The following NLGN1 variants were observed in gnomAD, a reference collection of about 807,000 sequenced individuals.
NLGN1 encodes the protein neuroligin-1.
A neutral mutation model predicts 65.5 loss-of-function variants in NLGN1; 12 were observed. The observed-to-expected ratio is 0.18, with a 90% CI of 0.12 to 0.30. NLGN1 has a LOEUF of 0.30. NLGN1 is among the 10% of genes least tolerant of loss of function. The probability of loss-of-function intolerance (pLI) is 1.00; values close to 1 mark genes in which losing one functional copy is unlikely to be tolerated. For synonymous variants in NLGN1, 350 were observed against 359.5 expected, an observed-to-expected ratio of 0.97 and a Z score of 0.30; for missense variants, 750 against 1,007.1, an observed-to-expected ratio of 0.74 and a Z score of 3.46.
At chr3:173,996,122 C>T (rs1722231718) in intron 4 of NLGN1, among the ~76,000 whole-genome samples, 1 of 152,114 alleles carries the variant, frequency 6.6e-6, no homozygotes. Context: ...TTCAAAATTA[C>T]AAGTAAGCTT....
At chr3:173,632,377 G>T (rs186178108) in intron 3 of NLGN1, among the ~76,000 whole-genome samples, 147 of 152,246 alleles carry the variant, frequency 9.7e-4, no homozygotes, top group Non-Finnish European at 1.7e-3. Context: ...AAATTTCTAG[G>T]AATCAAGTGA....
chr3:173,490,888 C>T (rs963553573), intron 2 of NLGN1, among the ~76,000 whole-genome samples: 6 of 151,744 alleles, frequency 4.0e-5, no homozygotes, highest in African/African-American at 1.2e-4. Context: ...TGATTTGGCT[C>T]TCTGTTTGTC....
chr3:173,948,081 A>G (rs555163866), intron 4 of NLGN1, among the ~76,000 whole-genome samples: 4 of 152,234 alleles, frequency 2.6e-5, no homozygotes, highest in Non-Finnish European at 5.9e-5. Flanking sequence ...GTTCTGTGAT[A>G]CAATGTGGGA....
chr3:173,970,998 A>G (rs910208778), intron 4 of NLGN1, among the ~76,000 whole-genome samples: 4 of 152,140 alleles, frequency 2.6e-5, no homozygotes, highest in African/African-American at 9.6e-5. Flanking sequence ...AATCCATACT[A>G]GTTTGTGAGC....
intron 4 of NLGN1, among the ~76,000 whole-genome samples, chr3:173,964,658 G>C (rs1714387669): frequency 6.6e-6 from 1 of 152,136 alleles, no homozygotes; most frequent in Non-Finnish European, 1.5e-5. Context: ...AAATCTGTAT[G>C]AATCAAATGT....
intron 4 of NLGN1, among the ~76,000 whole-genome samples, chr3:174,261,931 A>G (rs1165876684): frequency 1.4e-5 from 2 of 146,332 alleles, no homozygotes; most frequent in Non-Finnish European, 1.5e-5. Context: ...TTCTGCATCT[A>G]TTGAGATAAT....
intron 3 of NLGN1, among the ~76,000 whole-genome samples, chr3:173,681,397 C>T (rs1329816247): frequency 6.6e-6 from 1 of 152,192 alleles, no homozygotes; most frequent in African/African-American, 2.4e-5. Flanking sequence ...TGCTTCCTTG[C>T]TGTCACTCTA....
At chr3:173,474,641 G>A (rs572398749) in intron 2 of NLGN1, among the ~76,000 whole-genome samples, 15 of 152,228 alleles carry the variant, frequency 9.9e-5, no homozygotes, top group African/African-American at 3.4e-4. Flanking sequence ...AAATATGCAT[G>A]TTATTATTAA....
At chr3:174,234,581 G>A (rs1422310617) in intron 4 of NLGN1, among the ~76,000 whole-genome samples, 3 of 152,136 alleles carry the variant, frequency 2.0e-5, no homozygotes, top group Non-Finnish European at 4.4e-5. Flanking sequence ...AAGCTGATGA[G>A]CACTAGTTTT....
chr3:173,782,767 C>T (rs1174486815), intron 3 of NLGN1, among the ~76,000 whole-genome samples: 1 of 150,936 alleles, frequency 6.6e-6, no homozygotes, highest in Non-Finnish European at 1.5e-5. Context: ...CAAACTATGT[C>T]CTCATGTCTT....
At chr3:173,852,673 A>G (rs967206628) in intron 4 of NLGN1, among the ~76,000 whole-genome samples, 57 of 152,322 alleles carry the variant, frequency 3.7e-4, no homozygotes, top group Admixed American at 1.3e-3. Flanking sequence ...TTGTTCACCA[A>G]TTATAAAGCT....
At chr3:173,546,008 A>G (rs1030081457) in intron 2 of NLGN1, among the ~76,000 whole-genome samples, 7 of 152,128 alleles carry the variant, frequency 4.6e-5, no homozygotes, top group Admixed American at 2.6e-4. Context: ...ATGGGTTGAT[A>G]GGTGCAGCAA....
chr3:173,529,629 C>T (rs549736736), intron 2 of NLGN1, among the ~76,000 whole-genome samples: 1 of 152,156 alleles, frequency 6.6e-6, no homozygotes, highest in Non-Finnish European at 1.5e-5. Context: ...ATTTGTCCAT[C>T]TATCTCTAGG....
intron 2 of NLGN1, among the ~76,000 whole-genome samples, chr3:173,556,283 C>A (rs1229564898): frequency 2.6e-5 from 4 of 152,082 alleles, no homozygotes; most frequent in Non-Finnish European, 5.9e-5. Flanking sequence ...TTTCTGTGTA[C>A]AAGCACACAT....
rs921697617 is a variant in NLGN1, at chr3:174,267,371, T to A, written c.647-7944T>A. ...CTTCCATGACCCAAACTCCTCCTAA[T>A]AGGCCCCACCTCCTACACTGGGGAT... is the stretch of plus-strand genomic sequence containing the variant. On this transcript the variant is annotated intron_variant, in intron 4 of 6. Coordinates refer to ENST00000457714, the Ensembl canonical transcript of NLGN1. 6.6e-5 allele frequency among the ~76,000 whole-genome samples: 10 copies of A among 152,122 alleles called. 1 individual carries two copies. Among genetic ancestry groups the A allele is most frequent in the Non-Finnish European group, 1.5e-4 (10 of 68,012 alleles).
intron 3 of NLGN1, among the ~76,000 whole-genome samples, chr3:173,794,220 A>G (rs1195728048): frequency 6.6e-6 from 1 of 152,166 alleles, no homozygotes; most frequent in African/African-American, 2.4e-5. Context: ...ATAACATCTT[A>G]TAGCACCAAG....
chr3:174,231,149 G>A (rs1025830628), intron 4 of NLGN1, among the ~76,000 whole-genome samples: 2 of 152,082 alleles, frequency 1.3e-5, no homozygotes, highest in African/African-American at 2.4e-5. Context: ...CTCTTTCACC[G>A]TCATAATTTT....
At chr3:173,452,744 A>T (rs1011333237) in intron 2 of NLGN1, among the ~76,000 whole-genome samples, 2 of 152,190 alleles carry the variant, frequency 1.3e-5, no homozygotes, top group Non-Finnish European at 2.9e-5. Flanking sequence ...ATAGATGATT[A>T]ATAGTACAAT....
intron 4 of NLGN1, among the ~76,000 whole-genome samples, chr3:173,974,944 T>G (rs1717087466): frequency 6.6e-6 from 1 of 152,086 alleles, no homozygotes; most frequent in Non-Finnish European, 1.5e-5. Context: ...AATAACCCTT[T>G]TCTCACATGC....
Sources: gnomAD v4.1 joint callset for allele counts (sites outside exome capture counted in the v4.1 genomes callset) on GRCh38, gnomAD v4.1.1 for gene constraint, MANE v1.5 for transcripts, NCBI Gene and HGNC (gene_info 2026-07-23, HGNC 2026-07-21) for gene names.